Variants in HORMAD1 observed in about 807,000 individuals in gnomAD.
HORMAD1 encodes HORMA domain-containing protein 1.
In HORMAD1, 33 loss-of-function variants were observed where a neutral mutation model predicts 58.2. That is an observed-to-expected ratio of 0.57 (90% CI 0.43 to 0.76). The LOEUF (loss-of-function observed/expected upper bound fraction) is 0.76. Among genes scored for constraint, HORMAD1 ranks in the 30% least tolerant of loss-of-function variants. The pLI is 0.00. For missense variants in HORMAD1, 363 were observed against 462.0 expected (o/e 0.79, Z 1.96); for synonymous variants, 137 against 144.6 (o/e 0.95, Z 0.38).
chr1:150,699,762 G>A (rs904694289), intron 14 of HORMAD1, among the ~76,000 whole-genome samples: 2 of 149,064 alleles, frequency 1.3e-5, no homozygotes, highest in Admixed American at 1.3e-4. Context: ...TCGATCTCTT[G>A]ACCTCGTGAT....
rs749618389 is a variant in HORMAD1, at chr1:150,711,615, T to C, written c.301-44A>G. ...CAATTGAGTTATCTAAGGCTAAGTA[T>C]TCAAGAACTAAATTAGATGTTTAGA... is the stretch of plus-strand genomic sequence containing the variant. On this transcript the variant is annotated intron_variant, in intron 6 of 14. Transcript: ENST00000361824. 5.6e-6 allele frequency: 8 copies of C among 1,431,482 alleles called. No homozygotes were observed. The South Asian group carries it at 9.4e-5, about 17-fold the overall frequency. The allele number at this position is 1,431,482 out of a possible 1,614,324, so 88.7% of individuals were successfully genotyped here.
At chr1:150,703,646 C>T (rs1042789903) in intron 12 of HORMAD1, among the ~76,000 whole-genome samples, 1 of 152,138 alleles carries the variant, frequency 6.6e-6, no homozygotes, top group Non-Finnish European at 1.5e-5. Flanking sequence ...TTCCAGAAGA[C>T]AAGAAATTTA....
chr1:150,711,914 A>T (rs1651916763), intron 5 of HORMAD1, 61 bp from the exon 6 acceptor site: 2 of 1,092,278 alleles, frequency 1.8e-6, no homozygotes, highest in African/African-American at 1.6e-5. Context: ...TTTCATTACG[A>T]ATCATAAGAA....
At position 150,714,160 on chromosome 1, in the gene HORMAD1, C is replaced by T. The variant is rs1015197861; in HGVS notation, c.243-39G>A. Reference sequence around the variant, plus strand: ...CAAGGATTCATTTTTAGACTGAATGCATTTCCAGAAAATAGTTATTTTCAT... The same window carrying T: ...CAAGGATTCATTTTTAGACTGAATGTATTTCCAGAAAATAGTTATTTTCAT... On this transcript the variant is annotated intron_variant, in intron 4 of 14. Transcript: ENST00000361824. 2.5e-6 allele frequency: 3 copies of T among 1,186,778 alleles called. No individual in the cohort carries two copies. The South Asian group carries it at 4.1e-5, about 16-fold the overall frequency. 73.5% of individuals were successfully genotyped at this position (1,186,778 alleles called of 1,614,324 possible).
At chr1:150,705,477 A>G (rs912077686) in intron 10 of HORMAD1, among the ~76,000 whole-genome samples, 2 of 151,968 alleles carry the variant, frequency 1.3e-5, no homozygotes, top group Non-Finnish European at 2.9e-5. Flanking sequence ...GTGAGCTGAG[A>G]TCGTGCCATT....
Position 150,704,636 on chromosome 1 carries a change from C to T in HORMAD1, c.805-293G>A, listed in dbSNP as rs377734162. On this transcript the variant is annotated intron_variant, in intron 10 of 14. Coordinates refer to ENST00000361824, the MANE Select transcript of HORMAD1 (RefSeq NM_032132.5). ...GGTGGCATGTTTCTGTCACCTGAGG[C>T]TGAGGTGAGAGGATCGCTTGAGCCC... 1.1e-4 allele frequency among the ~76,000 whole-genome samples: 17 copies of T among 152,042 alleles called. No homozygotes were observed. The East Asian group carries it at 2.7e-3, about 24-fold the overall frequency.
chr1:150,719,005 C>CTT lies in HORMAD1; in HGVS notation c.33+467_33+468insAA, dbSNP rs1652173251. Among the ~76,000 whole-genome samples, 2 of 3,666 alleles carry CTT rather than the reference C, an allele frequency of 5.5e-4. 1 individual carries two copies. Among genetic ancestry groups the CTT allele is most frequent in the Non-Finnish European group, 0.029 (2 of 70 alleles). 2.4% of individuals were successfully genotyped at this position (3,666 alleles called of 152,430 possible). ...GGCGCGGTGGCTCACGCCTGTAATC[C>CTT]CAGCACTTTGGGAGGCCGAGGCGGG... On this transcript the variant is annotated intron_variant, in intron 2 of 14. Coordinates refer to ENST00000361824, the MANE Select transcript of HORMAD1 (RefSeq NM_032132.5).
At chr1:150,713,913 A>C (rs1175889479) in intron 5 of HORMAD1, 172 bp downstream of exon 5, 1 of 600,692 alleles carries the variant, frequency 1.7e-6, no homozygotes, top group African/African-American at 1.9e-5. Flanking sequence ...CATTATCTTT[A>C]AATGAGTTGA....
At position 150,720,875 on chromosome 1, in the gene HORMAD1, A is replaced by C. The variant is rs1338462456; in HGVS notation, c.-105T>G. 6.6e-6 allele frequency: 1 copy of C among 152,270 alleles called. No individual in the cohort carries two copies. The highest frequency in any genetic ancestry group is 1.5e-5 in the Non-Finnish European group (1 of 68,060). The allele number at this position is 152,270 out of a possible 1,614,324, so 9.4% of individuals were successfully genotyped here. A position where few individuals can be genotyped will look rare whatever the true frequency, so the allele number is the denominator to read the frequency against. ...GCTGCACGCGCTGTGCCCGACGCGC[A>C]TGCGCTTTCCTTCAACGGTCACCCG... On this transcript the variant is annotated 5_prime_UTR_variant, in exon 1 of 15. An upstream start codon of the reference 5' UTR is lost. Transcript: ENST00000361824.
At chr1:150,706,214 G>T (rs998740660) in intron 10 of HORMAD1, among the ~76,000 whole-genome samples, 1 of 152,128 alleles carries the variant, frequency 6.6e-6, no homozygotes, top group Non-Finnish European at 1.5e-5. Flanking sequence ...CATTAGCCGG[G>T]AGTTAGACTA....
rs774611786 is a variant in HORMAD1 at position 150,706,738 on chromosome 1, G to T, written c.619C>A (p.Pro207Thr). The T allele has an allele frequency of 3.7e-6, 6 of 1,613,120 alleles. No homozygotes were observed. The highest frequency in any genetic ancestry group is 5.1e-6 in the Non-Finnish European group (6 of 1,179,326). The change falls in exon 10 of 15, where the codon CCT becomes ACT. Residue 207 changes from proline (P) to threonine (T), a missense_variant. Physicochemically the swap from Pro to Thr is conservative, Grantham distance 38. Around this residue, in one of 3 missense-constraint regions of HORMAD1, gnomAD observed 226 missense variants for 257.8 expected, o/e 0.88. Coordinates refer to ENST00000361824, the MANE Select transcript of HORMAD1 (RefSeq NM_032132.5). ...ACTTCTCCCACATTTAAATACATAGGTTCCCCTTCAAATATAACTCCTTCA... is the reference window on the plus strand; with the variant it reads ...ACTTCTCCCACATTTAAATACATAGTTTCCCCTTCAAATATAACTCCTTCA... ...DCEGVIFEGE[P>T]MYLNVGEVST...
chr1:150,708,829 G>T, intron 8 of HORMAD1, 65 bp downstream of exon 8: 1 of 842,758 alleles, frequency 1.2e-6, no homozygotes, highest in Non-Finnish European at 2.0e-6. Context: ...CTGAGGTTTA[G>T]CTATATAGCA....
chr1:150,711,477 T>C, intron 7 of HORMAD1, 68 bp downstream of exon 7: 1 of 1,016,688 alleles, frequency 9.8e-7, no homozygotes, highest in Non-Finnish European at 1.5e-6. Context: ...GATATTCTTA[T>C]ATTATGTTTC....
chr1:150,711,877 ATCTTACTTGTAG>A, intron 5 of HORMAD1, 24 bp from the exon 6 acceptor site: 1 of 1,502,472 alleles, frequency 6.7e-7, no homozygotes, highest in South Asian at 1.2e-5. Context: ...AAGAACAAAA[ATCTTACTTGTAG>A]TCTATAAAAT....
chr1:150,708,562 T>A (rs1016790201), intron 8 of HORMAD1, among the ~76,000 whole-genome samples, 155 bp from the exon 9 acceptor site: 30 of 152,234 alleles, frequency 2.0e-4, no homozygotes, highest in African/African-American at 7.2e-4. Flanking sequence ...ATTATAAAAT[T>A]TTAATATTAA....
intron 13 of HORMAD1, among the ~76,000 whole-genome samples, chr1:150,702,398 T>C (rs1379075049): frequency 6.6e-6 from 1 of 152,150 alleles, no homozygotes; most frequent in African/African-American, 2.4e-5. Flanking sequence ...GAAATACCAT[T>C]TGTCCCAGTA....
intron 7 of HORMAD1, among the ~76,000 whole-genome samples, chr1:150,711,190 T>G (rs1427533474): frequency 6.6e-6 from 1 of 152,188 alleles, no homozygotes; most frequent in Non-Finnish European, 1.5e-5. Flanking sequence ...ATTCGAAGTT[T>G]AAGGATGACT....
At chr1:150,716,190 G>T (rs2101886392) in intron 3 of HORMAD1, among the ~76,000 whole-genome samples, 1 of 104,824 alleles carries the variant, frequency 9.5e-6, no homozygotes, top group Non-Finnish European at 1.7e-5. Context: ...TTGAGACTGA[G>T]TCTTGCTCTG....
chr1:150,709,870 G>C (rs918830000), intron 7 of HORMAD1, among the ~76,000 whole-genome samples: 1 of 152,218 alleles, frequency 6.6e-6, no homozygotes, highest in African/African-American at 2.4e-5. Flanking sequence ...TGGGTGGTGA[G>C]AAACAAATCT....
Sources: gnomAD v4.1 joint callset for allele counts (sites outside exome capture counted in the v4.1 genomes callset) on GRCh38, gnomAD v4.1.1 for gene constraint, gnomAD v4.1.1 regional missense constraint, MANE v1.5 for transcripts, NCBI Gene and HGNC (gene_info 2026-07-23, HGNC 2026-07-21) for gene names.